The following PAX3 variants were observed in gnomAD, a reference collection of about 807,000 sequenced individuals.
The protein encoded by PAX3 is paired box protein Pax-3.
PAX3 carries 14 observed loss-of-function variants against 51.6 expected under a neutral mutation model. The observed-to-expected ratio is 0.27, with a 90% CI of 0.18 to 0.42. The LOEUF is 0.42. Among genes scored for constraint, PAX3 ranks in the 10% least tolerant of loss-of-function variants. The pLI, the probability that PAX3 is intolerant of heterozygous loss-of-function variation, is 1.00. For synonymous variants in PAX3, 280 were observed against 253.4 expected, an observed-to-expected ratio of 1.11 and a Z score of -1.00; for missense variants, 540 against 642.8, an observed-to-expected ratio of 0.84 and a Z score of 1.73.
chr2:222,221,139 C>A, intron 6 of PAX3, 83 bp downstream of exon 6: 1 of 1,307,956 alleles, frequency 7.6e-7, no homozygotes, highest in Non-Finnish European at 1.1e-6. Context: ...GTCAGTACTG[C>A]AGAAGGATTC....
rs45520339 is a variant in PAX3 at position 222,269,302 on chromosome 2, G to A, written c.586+24865C>T. 9.2e-5 allele frequency among the ~76,000 whole-genome samples: 14 copies of A among 152,252 alleles called. No homozygotes were observed. The East Asian group carries it at 2.7e-3, about 29-fold the overall frequency. On this transcript the variant is annotated intron_variant, in intron 4 of 8. Coordinates refer to ENST00000392070, the MANE Select transcript of PAX3 (RefSeq NM_181458.4). ...TGCGCACAGTCCATCAGAGGCCCAGGTTCGTCCCTACCCTTGCCCTGAATG... is the reference window on the plus strand; with the variant it reads ...TGCGCACAGTCCATCAGAGGCCCAGATTCGTCCCTACCCTTGCCCTGAATG...
chr2:222,257,323 T>C (rs141079025), intron 4 of PAX3, among the ~76,000 whole-genome samples: 2,711 of 152,318 alleles, frequency 0.018, 31 homozygotes, highest in Middle Eastern at 0.092. Context: ...TTCATGTCTT[T>C]TAACTCATAG....
At chr2:222,240,284 G>A (rs552802889) in intron 4 of PAX3, among the ~76,000 whole-genome samples, 4 of 152,172 alleles carry the variant, frequency 2.6e-5, no homozygotes, top group Non-Finnish European at 4.4e-5. Context: ...CTGACAAGCA[G>A]AGGTTGGCGG....
At chr2:222,249,203 G>A (rs1332959145) in intron 4 of PAX3, among the ~76,000 whole-genome samples, 1 of 152,024 alleles carries the variant, frequency 6.6e-6, no homozygotes, top group Non-Finnish European at 1.5e-5. Context: ...AATTGAAGAG[G>A]CATTATATTA....
At chr2:222,270,589 T>C (rs1218635947) in intron 4 of PAX3, among the ~76,000 whole-genome samples, 1 of 152,158 alleles carries the variant, frequency 6.6e-6, no homozygotes, top group East Asian at 1.9e-4. Context: ...TGGTTCAGAG[T>C]TGCCAAAATA....
intron 4 of PAX3, among the ~76,000 whole-genome samples, chr2:222,272,881 C>T (rs2106161782): frequency 6.6e-6 from 1 of 152,304 alleles, no homozygotes; most frequent in East Asian, 1.9e-4. Flanking sequence ...TGACTGCCCT[C>T]ACCATGACAC....
At chr2:222,212,591 GTTTTA>G (rs1260985851) in intron 7 of PAX3, among the ~76,000 whole-genome samples, 12 of 150,278 alleles carry the variant, frequency 8.0e-5, no homozygotes, top group African/African-American at 2.7e-4. Context: ...AACCCAGACT[GTTTTA>G]CAGAGACAGA....
intron 3 of PAX3, 44 bp from the exon 4 acceptor site, chr2:222,294,345 G>T (rs1160863676): frequency 1.2e-6 from 2 of 1,610,264 alleles, no homozygotes; most frequent in Admixed American, 3.3e-5. Flanking sequence ...GCACATGGTT[G>T]AGACAAGCAG....
chr2:222,228,289 C>G (rs72960882), intron 5 of PAX3, among the ~76,000 whole-genome samples: 4,252 of 152,256 alleles, frequency 0.028, 102 homozygotes, highest in Non-Finnish European at 0.038. Flanking sequence ...CGGGTTAAAG[C>G]CACATTAAGA....
chr2:222,284,652 A>G (rs1013990475), intron 4 of PAX3, among the ~76,000 whole-genome samples: 4 of 150,880 alleles, frequency 2.7e-5, no homozygotes, highest in Admixed American at 1.3e-4. Context: ...TTTGGTCTTC[A>G]TTGTTGCTTC....
At chr2:222,277,309 G>A (rs909890563) in intron 4 of PAX3, among the ~76,000 whole-genome samples, 1 of 152,150 alleles carries the variant, frequency 6.6e-6, no homozygotes, top group African/African-American at 2.4e-5. Context: ...GAGACTCCTA[G>A]ACTCTCAGTC....
chr2:222,273,637 C>T (rs1694324788), intron 4 of PAX3, among the ~76,000 whole-genome samples: 2 of 152,188 alleles, frequency 1.3e-5, no homozygotes, highest in African/African-American at 2.4e-5. Flanking sequence ...GCTCCTGATC[C>T]ATCCTAGCTT....
chr2:222,203,213 G>T (rs918323213), intron 7 of PAX3, among the ~76,000 whole-genome samples: 3 of 150,728 alleles, frequency 2.0e-5, no homozygotes, highest in Non-Finnish European at 4.4e-5. Context: ...ACCAACTCAA[G>T]ATCCCTGACC....
intron 5 of PAX3, among the ~76,000 whole-genome samples, chr2:222,222,618 C>T (rs983782671): frequency 1.3e-5 from 2 of 152,070 alleles, no homozygotes; most frequent in Admixed American, 6.6e-5. Flanking sequence ...GGGTCTTGAA[C>T]TCCTAAGCTC....
At chr2:222,213,285 G>C (rs1236113874) in intron 7 of PAX3, among the ~76,000 whole-genome samples, 3 of 152,160 alleles carry the variant, frequency 2.0e-5, no homozygotes, top group Non-Finnish European at 4.4e-5. Context: ...ATACTCTTAA[G>C]TGTAGCGACC....
chr2:222,296,667 C>T (rs1268000243), intron 2 of PAX3, among the ~76,000 whole-genome samples: 1 of 152,132 alleles, frequency 6.6e-6, no homozygotes, highest in African/African-American at 2.4e-5. Flanking sequence ...CAGGTGGGCA[C>T]ATAGAGCTTG....
chr2:222,232,179 G>A lies in PAX3; in HGVS notation c.691C>T (p.Leu231=). Reference sequence around the variant, plus strand: ...TCAAAAGCACGCTCCAGTTCCTCCAGCTGTTCTGCTGTGAAGGTGGTTCGG... The same window carrying A: ...TCAAAAGCACGCTCCAGTTCCTCCAACTGTTCTGCTGTGAAGGTGGTTCGG... ...RSRTTFTAEQ[L]EELERAFERT... is the part of the protein sequence containing the mutation. Residue 231 remains leucine (L), a synonymous_variant, in exon 5 of 9, where the codon CTG becomes TTG. Transcript: ENST00000392070. 1 of 1,614,060 alleles carries A rather than the reference G, an allele frequency of 6.2e-7. No homozygotes were observed.
chr2:222,217,671 T>C (rs1425993516), intron 7 of PAX3, among the ~76,000 whole-genome samples: 1 of 152,190 alleles, frequency 6.6e-6, no homozygotes, highest in Non-Finnish European at 1.5e-5. Context: ...ATATTCATAA[T>C]CACTCTATGA....
chr2:222,286,190 G>A (rs534439646), intron 4 of PAX3, among the ~76,000 whole-genome samples: 3 of 152,216 alleles, frequency 2.0e-5, no homozygotes, highest in Non-Finnish European at 4.4e-5. Context: ...CACCTCCCTC[G>A]GCCTCCCAAA....
Sources: gnomAD v4.1 joint callset for allele counts (sites outside exome capture counted in the v4.1 genomes callset) on GRCh38, gnomAD v4.1.1 for gene constraint, MANE v1.5 for transcripts, NCBI Gene and HGNC (gene_info 2026-07-23, HGNC 2026-07-21) for gene names.